CHRM3: variants seen among roughly 807,000 people sequenced by gnomAD.
CHRM3 encodes the protein muscarinic acetylcholine receptor M3.
In CHRM3, 11 loss-of-function variants were observed where a neutral mutation model predicts 41.8. The observed-to-expected ratio is 0.26, with a 90% CI of 0.17 to 0.44. The LOEUF is 0.44. CHRM3 is among the 20% of genes least tolerant of loss of function. The probability of loss-of-function intolerance (pLI) is 1.00; values close to 1 mark genes in which losing one functional copy is unlikely to be tolerated. For synonymous variants in CHRM3, 297 were observed against 301.4 expected (o/e 0.99, Z 0.15); for missense variants, 571 against 745.4 (o/e 0.77, Z 2.72).
At chr1:239,811,125 C>T (rs139523488) in intron 5 of CHRM3, among the ~76,000 whole-genome samples, 55 of 152,272 alleles carry the variant, frequency 3.6e-4, no homozygotes, top group Admixed American at 1.0e-3. Context: ...TGATAGAAGC[C>T]GTCCTGACTC....
chr1:239,711,925 A>T (rs964700240), intron 5 of CHRM3, among the ~76,000 whole-genome samples: 5 of 152,038 alleles, frequency 3.3e-5, no homozygotes, highest in East Asian at 1.9e-4. Context: ...CAAACTCCAC[A>T]TCCAGCCCCA....
At chr1:239,812,647 T>A (rs1248428948) in intron 5 of CHRM3, among the ~76,000 whole-genome samples, 1 of 152,212 alleles carries the variant, frequency 6.6e-6, no homozygotes, top group African/African-American at 2.4e-5. Flanking sequence ...AAAAATTTAT[T>A]TTCAAACATA....
intron 3 of CHRM3, among the ~76,000 whole-genome samples, chr1:239,586,754 G>A (rs181812982): frequency 9.2e-5 from 14 of 152,236 alleles, no homozygotes; most frequent in Admixed American, 5.2e-4. Flanking sequence ...CTTTCAGTGA[G>A]TTATAATTAT....
chr1:239,845,501 C>T (rs889869792), intron 6 of CHRM3, among the ~76,000 whole-genome samples: 5 of 152,196 alleles, frequency 3.3e-5, no homozygotes, highest in African/African-American at 1.2e-4. Context: ...CTCCACCATG[C>T]CCAGTTCTCT....
At chr1:239,621,865 C>T (rs2355230) in intron 3 of CHRM3, among the ~76,000 whole-genome samples, 1 of 143,264 alleles carries the variant, frequency 7.0e-6, no homozygotes, top group Non-Finnish European at 1.6e-5. Context: ...TGTAGATCGA[C>T]CAGCCTTCTG....
At chr1:239,388,974 T>C (rs1386104798) in intron 1 of CHRM3, among the ~76,000 whole-genome samples, 1 of 152,200 alleles carries the variant, frequency 6.6e-6, no homozygotes, top group East Asian at 1.9e-4. Flanking sequence ...AATTTAAAAA[T>C]AATGACATTG....
chr1:239,457,786 CT>C lies in CHRM3; in HGVS notation c.-520-34921del, dbSNP rs576174404. ...TTTTGTTTCATAAAATTATTAACTG[CT>C]TGATAATGCTTTTGAAGGATATGAG... is the stretch of plus-strand genomic sequence containing the variant. On this transcript the variant is annotated intron_variant, in intron 1 of 6. Transcript: ENST00000676153. Among the ~76,000 whole-genome samples the C allele has an allele frequency of 7.2e-5, 11 of 152,208 alleles. No homozygotes were observed. In the South Asian group the frequency reaches 1.9e-3, roughly 26 times the overall value.
chr1:239,767,778 G>A (rs189824500), intron 5 of CHRM3, among the ~76,000 whole-genome samples: 1 of 152,236 alleles, frequency 6.6e-6, no homozygotes, highest in South Asian at 2.1e-4. Context: ...GTAACTGATG[G>A]AATCAGATGG....
At chr1:239,823,371 T>C (rs964521504) in intron 5 of CHRM3, among the ~76,000 whole-genome samples, 5 of 152,056 alleles carry the variant, frequency 3.3e-5, no homozygotes, top group African/African-American at 1.2e-4. Context: ...AGCAGGATGG[T>C]ATCTAATGTG....
At chr1:239,670,537 G>A (rs780355571) in intron 4 of CHRM3, among the ~76,000 whole-genome samples, 5 of 152,078 alleles carry the variant, frequency 3.3e-5, no homozygotes, top group Non-Finnish European at 5.9e-5. Flanking sequence ...TGGAGATAGA[G>A]TCTCACTCTG....
Position 239,913,769 on chromosome 1 carries a change from G to A in CHRM3, c.*4545G>A, listed in dbSNP as rs75778303. 78 of 167,220 alleles carry A rather than the reference G, an allele frequency of 4.7e-4. No individual in the cohort carries two copies. Among genetic ancestry groups the A allele is most frequent in the African/African-American group, 1.9e-3 (77 of 41,586 alleles). The allele number at this position is 167,220 out of a possible 1,614,324, so 10.4% of individuals were successfully genotyped here. On this transcript the variant is annotated 3_prime_UTR_variant, in exon 7 of 7. Transcript: ENST00000676153. Reference sequence around the variant, plus strand: ...TAAGTTTGTAACTGCACAGTGTTTTGTTGTACGGCTCAGAAATGAGCAAGT... The same window carrying A: ...TAAGTTTGTAACTGCACAGTGTTTTATTGTACGGCTCAGAAATGAGCAAGT...
intron 5 of CHRM3, among the ~76,000 whole-genome samples, chr1:239,762,218 A>T (rs1666854149): frequency 6.6e-6 from 1 of 152,126 alleles, no homozygotes; most frequent in Non-Finnish European, 1.5e-5. Flanking sequence ...CAATAATCAC[A>T]TCCCTAACCA....
intron 5 of CHRM3, among the ~76,000 whole-genome samples, chr1:239,786,630 A>G (rs572723673): frequency 5.1e-4 from 77 of 152,326 alleles, no homozygotes; most frequent in African/African-American, 1.8e-3. Context: ...GATCATTGTT[A>G]TAACAGAGAG....
At chr1:239,875,131 G>A (rs895647048) in intron 6 of CHRM3, among the ~76,000 whole-genome samples, 23 of 152,246 alleles carry the variant, frequency 1.5e-4, no homozygotes, top group South Asian at 4.1e-4. Context: ...GTATATTAAC[G>A]CCAGCTTTAT....
intron 6 of CHRM3, among the ~76,000 whole-genome samples, chr1:239,846,947 T>C (rs770051188): frequency 3.3e-5 from 5 of 152,208 alleles, no homozygotes; most frequent in Non-Finnish European, 5.9e-5. Flanking sequence ...GGAGACAGAA[T>C]ACTAAGCTTC....
chr1:239,552,633 T>TTAA (rs1178427172), intron 3 of CHRM3, among the ~76,000 whole-genome samples: 2 of 133,892 alleles, frequency 1.5e-5, no homozygotes, highest in Admixed American at 7.4e-5. Context: ...ACTAATATTA[T>TTAA]TATTATTATT....
At chr1:239,710,665 C>A (rs1292411881) in intron 5 of CHRM3, among the ~76,000 whole-genome samples, 1 of 152,030 alleles carries the variant, frequency 6.6e-6, no homozygotes, top group Non-Finnish European at 1.5e-5. Flanking sequence ...AATTTAGTAA[C>A]TATATTGAAT....
intron 5 of CHRM3, among the ~76,000 whole-genome samples, chr1:239,771,568 A>T (rs1667678395): frequency 6.6e-6 from 1 of 152,256 alleles, no homozygotes; most frequent in South Asian, 2.1e-4. Flanking sequence ...AGTGGACGTC[A>T]AGGCAGAAAT....
intron 1 of CHRM3, among the ~76,000 whole-genome samples, chr1:239,405,100 G>C (rs186933346): frequency 6.6e-6 from 1 of 152,126 alleles, no homozygotes; most frequent in East Asian, 1.9e-4. Flanking sequence ...TTTTATAAAG[G>C]TCTTCTATAA....
Sources: allele counts gnomAD v4.1 joint callset (sites outside exome capture counted in the v4.1 genomes callset), GRCh38; gene constraint gnomAD v4.1.1; transcripts MANE v1.5; gene names NCBI Gene and HGNC (gene_info 2026-07-23, HGNC 2026-07-21).